Variants in CXXC5 observed in about 807,000 individuals in gnomAD.
CXXC5 encodes the protein CXXC finger protein 5, also known as CXXC-type zinc finger protein 5.
CXXC5 carries 2 observed loss-of-function variants against 17.6 expected under a neutral mutation model. That is an observed-to-expected ratio of 0.11 (90% CI 0.05 to 0.36). The LOEUF (loss-of-function observed/expected upper bound fraction) is 0.36, where lower values mean the gene tolerates loss of function less well. Among genes scored for constraint, CXXC5 ranks in the 10% least tolerant of loss-of-function variants. The pLI, the probability that CXXC5 is intolerant of heterozygous loss-of-function variation, is 1.00. For synonymous variants in CXXC5, 171 were observed against 193.0 expected (o/e 0.89, Z 0.94); for missense variants, 343 against 458.3 (o/e 0.75, Z 2.30).
chr5:139,651,866 TG>T (rs1053617055), intron 1 of CXXC5, among the ~76,000 whole-genome samples: 1 of 152,010 alleles, frequency 6.6e-6, no homozygotes, highest in African/African-American at 2.4e-5. Context: ...TGAACAAGAA[TG>T]GGGGGGTTCA....
At chr5:139,674,671 G>A (rs1337577843) in intron 1 of CXXC5, among the ~76,000 whole-genome samples, 1 of 152,222 alleles carries the variant, frequency 6.6e-6, no homozygotes, top group African/African-American at 2.4e-5. Context: ...ATACTTTAAT[G>A]TGGCAGAATT....
Position 139,660,035 on chromosome 5 carries a change from G to A in CXXC5, c.-161+11190G>A, listed in dbSNP as rs1239755397. On this transcript the variant is annotated intron_variant, in intron 1 of 2. Coordinates refer to ENST00000302517, the MANE Select transcript of CXXC5 (RefSeq NM_016463.9). ...GTGTGGGGCTGGGGGAAGCAGCCGGGTGGGCAGGCAGGCAGGAGGAGGGAA... is the reference window on the plus strand; with the variant it reads ...GTGTGGGGCTGGGGGAAGCAGCCGGATGGGCAGGCAGGCAGGAGGAGGGAA... Among the ~76,000 whole-genome samples, 6 of 152,232 alleles carry A rather than the reference G, an allele frequency of 3.9e-5. No individual in the cohort carries two copies. In the East Asian group the frequency reaches 1.2e-3, roughly 29 times the overall value.
In CXXC5 at chr5:139,680,919, T is replaced by C; in HGVS notation, c.396T>C (p.Pro132=). ...AAAMAVDKSN[P]TSKHKSGAVA... is the part of the protein sequence containing the mutation. ...CCATGGCGGTGGACAAAAGCAACCC[T>C]ACCTCAAAGCACAAAAGTGGTGCTG... Residue 132 remains proline, a synonymous_variant, in exon 2 of 3, where the codon CCT becomes CCC. Transcript: ENST00000302517. 6.2e-7 allele frequency: 1 copy of C among 1,602,340 alleles called. No homozygotes were observed. The highest frequency in any genetic ancestry group is 8.5e-7 in the Non-Finnish European group (1 of 1,179,932).
At chr5:139,681,876 G>T (rs1047346208) in intron 2 of CXXC5, among the ~76,000 whole-genome samples, 6 of 152,182 alleles carry the variant, frequency 3.9e-5, no homozygotes, top group Non-Finnish European at 8.8e-5. Context: ...CGGGCCCTGT[G>T]CCCTTAAGCC....
chr5:139,649,702 C>CA (rs930344149), intron 1 of CXXC5: 5 of 152,354 alleles, frequency 3.3e-5, no homozygotes, highest in African/African-American at 1.2e-4. Flanking sequence ...GTGGGCCACG[C>CA]AGCGTGCAGA....
chr5:139,659,308 C>T (rs1168833445), intron 1 of CXXC5, among the ~76,000 whole-genome samples: 2 of 152,118 alleles, frequency 1.3e-5, no homozygotes, highest in Non-Finnish European at 2.9e-5. Context: ...AGCGGAAAAT[C>T]CCAGCTGTTG....
intron 1 of CXXC5, among the ~76,000 whole-genome samples, chr5:139,679,086 C>T (rs1198143277): frequency 2.6e-5 from 4 of 152,224 alleles, no homozygotes; most frequent in African/African-American, 7.2e-5. Context: ...CTGCTGGGCT[C>T]CATTCCCTTG....
At position 139,663,567 on chromosome 5, in the gene CXXC5, C is replaced by T. The variant is rs1267394557; in HGVS notation, c.-161+14722C>T. Among the ~76,000 whole-genome samples the T allele has an allele frequency of 6.6e-6, 1 of 152,158 alleles. No homozygotes were observed. Among genetic ancestry groups the T allele is most frequent in the Non-Finnish European group, 1.5e-5 (1 of 68,018 alleles). On this transcript the variant is annotated intron_variant, in intron 1 of 2. Transcript: ENST00000302517. The surrounding 1 kb of genome is among the most constrained non-coding windows in gnomAD (Gnocchi z 4.2). ...GGCTTCTACCACATGTCCATCCCCC[C>T]ATGGTCCTGCAGGCTAGACGGGGAA... is the stretch of plus-strand genomic sequence containing the variant.
In CXXC5 at chr5:139,661,703, C is replaced by T. The variant is rs553853668; in HGVS notation, c.-161+12858C>T. 1.5e-4 allele frequency among the ~76,000 whole-genome samples: 23 copies of T among 152,364 alleles called. No individual in the cohort carries two copies. Among genetic ancestry groups the T allele is most frequent in the African/African-American group, 5.3e-4 (22 of 41,582 alleles). ...GCCAGGGCACTGGCACACACAGGCG[C>T]AGCTGCTGTGGTCAGGGCTCTGTTC... On this transcript the variant is annotated intron_variant, in intron 1 of 2. Transcript: ENST00000302517. The surrounding 1 kb of genome is among the most constrained non-coding windows in gnomAD (Gnocchi z 4.7).
chr5:139,662,207 G>A (rs1755858009), intron 1 of CXXC5, among the ~76,000 whole-genome samples: 1 of 152,066 alleles, frequency 6.6e-6, no homozygotes, highest in South Asian at 2.1e-4. Context: ...AGTTGCCAAG[G>A]CCCTCATTAT....
At chr5:139,657,545 A>G (rs28421137) in intron 1 of CXXC5, among the ~76,000 whole-genome samples, 70,616 of 152,086 alleles carry the variant, frequency 0.46, 18,729 homozygotes, top group African/African-American at 0.73. Flanking sequence ...GTTGCTGGTG[A>G]ACAGGCTGGC....
At chr5:139,676,907 AT>A (rs1756862262) in intron 1 of CXXC5, among the ~76,000 whole-genome samples, 1 of 150,328 alleles carries the variant, frequency 6.7e-6, no homozygotes, top group Non-Finnish European at 1.5e-5. Flanking sequence ...CTGTCTCATG[AT>A]TCTGTCCCCA....
At chr5:139,651,989 C>T (rs1755209072) in intron 1 of CXXC5, among the ~76,000 whole-genome samples, 1 of 152,086 alleles carries the variant, frequency 6.6e-6, no homozygotes, top group African/African-American at 2.4e-5. Context: ...TCTGGTGGTA[C>T]ACAAATGAAT....
intron 1 of CXXC5, among the ~76,000 whole-genome samples, chr5:139,669,130 G>A (rs941747906): frequency 6.6e-6 from 1 of 152,188 alleles, no homozygotes; most frequent in Non-Finnish European, 1.5e-5. Context: ...CCAAATTTCT[G>A]TGCTTGTGTT....
Position 139,658,927 on chromosome 5 carries a change from T to G in CXXC5, c.-161+10082T>G, listed in dbSNP as rs59971587. ...TTGAACCCAGAACACTGAGAGATTC[T>G]GTTTGGAGTCATCCTAATGCCTCCA... On this transcript the variant is annotated intron_variant, in intron 1 of 2. Coordinates refer to ENST00000302517, the MANE Select transcript of CXXC5 (RefSeq NM_016463.9). The surrounding 1 kb of genome is among the most constrained non-coding windows in gnomAD (Gnocchi z 4.1). Among the ~76,000 whole-genome samples the G allele has an allele frequency of 4.3e-3, 649 of 152,326 alleles. 9 individuals are homozygous for G. Among genetic ancestry groups the G allele is most frequent in the African/African-American group, 0.015 (622 of 41,570 alleles).
At chr5:139,664,497 G>T (rs1338347278) in intron 1 of CXXC5, among the ~76,000 whole-genome samples, 1 of 152,132 alleles carries the variant, frequency 6.6e-6, no homozygotes, top group African/African-American at 2.4e-5. Flanking sequence ...GGCGCTGCAT[G>T]GCCCTGGGTC....
chr5:139,654,333 A>G (rs1256322246), intron 1 of CXXC5, among the ~76,000 whole-genome samples: 1 of 152,200 alleles, frequency 6.6e-6, no homozygotes, highest in Non-Finnish European at 1.5e-5. Context: ...AATCCTGGAC[A>G]TGTCACTGCC....
chr5:139,647,543 C>T (rs1384419112), upstream of CXXC5: 1 of 152,288 alleles, frequency 6.6e-6, no homozygotes, highest in Non-Finnish European at 1.5e-5. Context: ...ACTCTGTCCC[C>T]ACTGGGCGCC....
intron 1 of CXXC5, among the ~76,000 whole-genome samples, chr5:139,652,173 T>C (rs768494422): frequency 8.9e-4 from 121 of 136,626 alleles, no homozygotes; most frequent in East Asian, 3.3e-3. Context: ...CGCGCGCGCG[T>C]GTGTGTGTGT....
Sources: gnomAD v4.1 joint callset for allele counts (sites outside exome capture counted in the v4.1 genomes callset) on GRCh38, gnomAD v4.1.1 for gene constraint, Gnocchi (gnomAD v3.1) non-coding constraint, MANE v1.5 for transcripts, NCBI Gene and HGNC (gene_info 2026-07-23, HGNC 2026-07-21) for gene names.